Variants in POU6F2 observed in about 807,000 individuals in gnomAD.
POU6F2 encodes the protein POU domain, class 6, transcription factor 2.
Under a neutral mutation model 71.3 loss-of-function variants are expected in POU6F2, and 31 were observed. The ratio of observed to expected loss-of-function variants is 0.43; its 90% CI spans 0.33 to 0.59. The LOEUF is 0.59. Ranked by LOEUF, POU6F2 falls within the 20% of genes least tolerant of loss-of-function variation. The pLI is 0.04. For missense variants in POU6F2, 783 were observed against 856.8 expected, an observed-to-expected ratio of 0.91 and a Z score of 1.07; for synonymous variants, 347 against 355.7, an observed-to-expected ratio of 0.98 and a Z score of 0.27.
At chr7:39,004,541 G>C (rs1174264294) in intron 1 of POU6F2, among the ~76,000 whole-genome samples, 1 of 152,186 alleles carries the variant, frequency 6.6e-6, no homozygotes, top group Non-Finnish European at 1.5e-5. Flanking sequence ...CTCTGAGTTA[G>C]AGGAAGAAAA....
At chr7:39,103,790 A>G (rs911303923) in intron 2 of POU6F2, among the ~76,000 whole-genome samples, 2 of 152,300 alleles carry the variant, frequency 1.3e-5, no homozygotes, top group Non-Finnish European at 2.9e-5. Context: ...CTGTACTGGT[A>G]TGTTCATGAC....
chr7:39,303,005 T>C (rs1188197741), intron 4 of POU6F2, among the ~76,000 whole-genome samples: 2 of 152,254 alleles, frequency 1.3e-5, no homozygotes, highest in African/African-American at 4.8e-5. Flanking sequence ...TTTACATTTC[T>C]ACTAAGTTCC....
chr7:39,354,584 G>A (rs1039060229), intron 5 of POU6F2, among the ~76,000 whole-genome samples: 4 of 152,258 alleles, frequency 2.6e-5, no homozygotes, highest in East Asian at 3.9e-4. Context: ...TGTGGACGGC[G>A]TATAGTATTT....
intron 4 of POU6F2, among the ~76,000 whole-genome samples, chr7:39,274,276 A>G (rs1037372215): frequency 3.9e-5 from 6 of 152,224 alleles, no homozygotes; most frequent in Non-Finnish European, 8.8e-5. Flanking sequence ...AAACACCTCT[A>G]TGCAAATAAA....
chr7:39,313,973 T>G (rs1785214359), intron 4 of POU6F2, among the ~76,000 whole-genome samples: 1 of 152,150 alleles, frequency 6.6e-6, no homozygotes. Flanking sequence ...CTAAAGGAAG[T>G]TTAGTCCAGA....
intron 5 of POU6F2, among the ~76,000 whole-genome samples, chr7:39,377,080 G>A (rs914218415): frequency 2.0e-5 from 3 of 147,546 alleles, no homozygotes; most frequent in Non-Finnish European, 4.5e-5. Context: ...TTTAAATTAG[G>A]TATTAAATAA....
chr7:39,065,676 C>T (rs1451679401), intron 1 of POU6F2, among the ~76,000 whole-genome samples: 1 of 151,230 alleles, frequency 6.6e-6, no homozygotes, highest in Non-Finnish European at 1.5e-5. Flanking sequence ...CAATTCCATT[C>T]GGATATACTT....
chr7:39,019,677 C>T (rs1248902914), intron 1 of POU6F2, among the ~76,000 whole-genome samples: 1 of 147,288 alleles, frequency 6.8e-6, no homozygotes, highest in African/African-American at 2.5e-5. Context: ...GATTCTGGAA[C>T]GTTTCCTTGA....
At position 39,379,349 on chromosome 7, in the gene POU6F2, C is replaced by T. The variant is rs142443071; in HGVS notation, c.973-27251C>T. Among the ~76,000 whole-genome samples, 11 of 152,170 alleles carry T rather than the reference C, an allele frequency of 7.2e-5. No homozygotes were observed. The East Asian group carries it at 7.7e-4, about 11-fold the overall frequency. On this transcript the variant is annotated intron_variant, in intron 5 of 9. Transcript: ENST00000518318. ...ATTACTCTTCCTCCAGCAATCAATC[C>T]GCTGTAAATCAATAGTGCTTTACAG...
At chr7:39,252,005 T>A (rs1045345319) in intron 4 of POU6F2, among the ~76,000 whole-genome samples, 1 of 152,160 alleles carries the variant, frequency 6.6e-6, no homozygotes, top group African/African-American at 2.4e-5. Context: ...CTCTGATCCA[T>A]CCCTGTGTCT....
intron 1 of POU6F2, among the ~76,000 whole-genome samples, chr7:39,082,103 C>T (rs140365515): frequency 1.2e-3 from 179 of 152,322 alleles, no homozygotes; most frequent in Middle Eastern, 0.01. Context: ...CTTCATAATG[C>T]TTGAAGGAGA....
At chr7:39,013,503 T>C in intron 1 of POU6F2, 1 of 156,850 alleles carries the variant, frequency 6.4e-6, no homozygotes, top group Non-Finnish European at 1.4e-5. Context: ...TCGCTCACGC[T>C]GGGAGCTGTG....
intron 5 of POU6F2, among the ~76,000 whole-genome samples, chr7:39,375,947 T>C (rs769602564): frequency 1.1e-4 from 17 of 152,132 alleles, no homozygotes; most frequent in Non-Finnish European, 1.6e-4. Context: ...CTATATTGAA[T>C]TCAAATCCCA....
chr7:39,454,708 ATATATATATATATAT>A (rs1788754906), intron 8 of POU6F2, among the ~76,000 whole-genome samples: 3 of 78,778 alleles, frequency 3.8e-5, no homozygotes, highest in Admixed American at 1.3e-4. Context: ...ATATATATAT[ATATATATATATATAT>A]ATATAAAATA....
chr7:39,302,999 C>G (rs1464739053), intron 4 of POU6F2, among the ~76,000 whole-genome samples: 1 of 152,200 alleles, frequency 6.6e-6, no homozygotes, highest in African/African-American at 2.4e-5. Context: ...TGAAAATTTA[C>G]ATTTCTACTA....
chr7:39,446,651 A>G (rs987769999), intron 7 of POU6F2, among the ~76,000 whole-genome samples: 1 of 152,222 alleles, frequency 6.6e-6, no homozygotes, highest in African/African-American at 2.4e-5. Flanking sequence ...CCAACCAGTA[A>G]AAACAAACCA....
intron 3 of POU6F2, among the ~76,000 whole-genome samples, chr7:39,206,197 C>G (rs144492022): frequency 5.3e-5 from 8 of 152,256 alleles, no homozygotes; most frequent in East Asian, 1.9e-4. Context: ...TTATTATGTT[C>G]CACATGGCTC....
At chr7:39,216,167 C>G (rs1794238967) in intron 4 of POU6F2, among the ~76,000 whole-genome samples, 1 of 152,164 alleles carries the variant, frequency 6.6e-6, no homozygotes, top group African/African-American at 2.4e-5. Context: ...AGAGGAGGAG[C>G]ACAAAATTGG....
Position 39,126,719 on chromosome 7 carries a change from A to G in POU6F2, c.277+40688A>G, listed in dbSNP as rs570089976. 9.2e-5 allele frequency among the ~76,000 whole-genome samples: 14 copies of G among 152,368 alleles called. No individual in the cohort carries two copies. The South Asian group carries it at 2.5e-3, about 27-fold the overall frequency. ...GAAAGCTAACACTCTCTAATGCTGC[A>G]TGTGAGAAAGCTAAAACCAATAGCG... is the stretch of plus-strand genomic sequence containing the variant. On this transcript the variant is annotated intron_variant, in intron 2 of 9. Transcript: ENST00000518318.
Sources: gnomAD v4.1 joint callset for allele counts (sites outside exome capture counted in the v4.1 genomes callset) on GRCh38, gnomAD v4.1.1 for gene constraint, MANE v1.5 for transcripts, NCBI Gene and HGNC (gene_info 2026-07-23, HGNC 2026-07-21) for gene names.